GLI3: variants seen among roughly 807,000 people sequenced by gnomAD.
GLI3 encodes GLI family zinc finger 3, also known as transcription activator GLI3.
In GLI3, 20 loss-of-function variants were observed where a neutral mutation model predicts 100.8. That is an observed-to-expected ratio of 0.20 (90% CI 0.14 to 0.29). GLI3 has a LOEUF of 0.29. Ranked by LOEUF, GLI3 falls within the 10% of genes least tolerant of loss-of-function variation. GLI3 has a pLI of 1.00. For missense variants in GLI3, 2,040 were observed against 2,128.5 expected, an observed-to-expected ratio of 0.96 and a Z score of 0.82; for synonymous variants, 938 against 860.5, an observed-to-expected ratio of 1.09 and a Z score of -1.58.
At chr7:42,071,906 C>T (rs985490586) in intron 4 of GLI3, among the ~76,000 whole-genome samples, 4 of 152,010 alleles carry the variant, frequency 2.6e-5, no homozygotes, top group African/African-American at 9.7e-5. Flanking sequence ...GTGGGAAGAA[C>T]AGCTCTCCTT....
intron 3 of GLI3, among the ~76,000 whole-genome samples, chr7:42,107,709 C>A (rs1018535376): frequency 3.3e-5 from 5 of 152,048 alleles, no homozygotes; most frequent in African/African-American, 9.7e-5. Context: ...AGTGACAAGG[C>A]CAGAGGGTGG....
rs189853765 is a variant in GLI3 at position 42,199,884 on chromosome 7, C to T, written c.124+23246G>A. On this transcript the variant is annotated intron_variant, in intron 2 of 14. Coordinates refer to ENST00000395925, the MANE Select transcript of GLI3 (RefSeq NM_000168.6). ...CAGCCTGGCCTACATGGTGAAACCC[C>T]GTCTCTACTAAAAATACAAAAATTA... Among the ~76,000 whole-genome samples, 211 of 152,136 alleles carry T rather than the reference C, an allele frequency of 1.4e-3. 1 individual carries two copies. Among genetic ancestry groups the T allele is most frequent in the Non-Finnish European group, 1.6e-3 (106 of 68,012 alleles).
chr7:42,223,506 G>C (rs994160800), intron 1 of GLI3, among the ~76,000 whole-genome samples: 1 of 152,022 alleles, frequency 6.6e-6, no homozygotes, highest in Non-Finnish European at 1.5e-5. Context: ...AAAGAGAACC[G>C]AGGGAAATGC....
chr7:42,075,055 T>A (rs780800554), intron 4 of GLI3, among the ~76,000 whole-genome samples: 1 of 152,044 alleles, frequency 6.6e-6, no homozygotes, highest in Non-Finnish European at 1.5e-5. Flanking sequence ...CCAATGCAGG[T>A]CAGTAATGAG....
chr7:42,176,165 T>C (rs1787475970), intron 2 of GLI3, among the ~76,000 whole-genome samples: 1 of 152,140 alleles, frequency 6.6e-6, no homozygotes. Flanking sequence ...CCTATTTCAA[T>C]TTGATTAACA....
At chr7:42,145,295 C>T in intron 3 of GLI3, 1 of 329,402 alleles carries the variant, frequency 3.0e-6, no homozygotes, top group East Asian at 4.7e-5. Flanking sequence ...TTTAAATATT[C>T]AATATGAATA....
rs777372793 is a variant in GLI3 at position 42,026,210 on chromosome 7, C to T, written c.1231G>A (p.Glu411Lys). Residue 411 changes from glutamate to lysine, a missense_variant, in exon 8 of 15, where the codon GAG (glutamate) becomes AAG (lysine). Glu to Lys is a moderately conservative substitution (Grantham distance 56). Transcript: ENST00000395925. Reference protein sequence around the residue: ...NPVQVSSGPSESSQNKPTSES... With the variant: ...NPVQVSSGPSKSSQNKPTSES... ...CCTGTCCCTCTCACCTGTGAGGACT[C>T]AGAAGGGCCGGAGCTGACCTGGACG... 1 of 1,612,402 alleles carries T rather than the reference C, an allele frequency of 6.2e-7. No individual in the cohort carries two copies. Among genetic ancestry groups the T allele is most frequent in the Non-Finnish European group, 8.5e-7 (1 of 1,179,130 alleles).
intron 10 of GLI3, among the ~76,000 whole-genome samples, chr7:42,015,682 T>C (rs1202085526): frequency 6.6e-6 from 1 of 151,632 alleles, no homozygotes; most frequent in Non-Finnish European, 1.5e-5. Context: ...AGAACTACTG[T>C]GTGCCTAACC....
intron 2 of GLI3, among the ~76,000 whole-genome samples, chr7:42,154,216 G>C (rs1321670359): frequency 6.6e-6 from 1 of 152,110 alleles, no homozygotes; most frequent in Non-Finnish European, 1.5e-5. Context: ...AAGCCCAAAT[G>C]ACAAATCTAT....
chr7:42,021,446 T>C (rs188926033), intron 10 of GLI3, among the ~76,000 whole-genome samples: 11 of 152,322 alleles, frequency 7.2e-5, no homozygotes, highest in African/African-American at 2.2e-4. Flanking sequence ...TTAAAACTAC[T>C]CAGATCTCTC....
chr7:42,104,376 T>C (rs1401938683), intron 3 of GLI3, among the ~76,000 whole-genome samples: 1 of 152,200 alleles, frequency 6.6e-6, no homozygotes, highest in Non-Finnish European at 1.5e-5. Flanking sequence ...ACATCCGCTC[T>C]AGCATTTCCC....
chr7:42,040,986 A>C (rs1324790356), intron 6 of GLI3, among the ~76,000 whole-genome samples: 1 of 152,130 alleles, frequency 6.6e-6, no homozygotes, highest in Admixed American at 6.5e-5. Context: ...TCTGGCCCAA[A>C]TGTCACCGAG....
intron 1 of GLI3, among the ~76,000 whole-genome samples, chr7:42,228,032 C>G (rs1788617206): frequency 6.6e-6 from 1 of 152,210 alleles, no homozygotes; most frequent in Non-Finnish European, 1.5e-5. Context: ...TCACGCCTTT[C>G]ACCACTTTTG....
chr7:42,009,632 G>T (rs970983096), intron 10 of GLI3, among the ~76,000 whole-genome samples: 1 of 152,056 alleles, frequency 6.6e-6, no homozygotes, highest in Non-Finnish European at 1.5e-5. Context: ...AGCTGGGCAC[G>T]CATGCTTCCT....
chr7:42,025,280 C>T lies in GLI3; in HGVS notation c.1340G>A (p.Gly447Glu). The T allele has an allele frequency of 6.2e-7, 1 of 1,613,088 alleles. No individual in the cohort carries two copies. Among genetic ancestry groups the T allele is most frequent in the South Asian group, 1.1e-5 (1 of 91,056 alleles). Residue 447 changes from glycine (G) to glutamate (E), a missense_variant, in exon 9 of 15, where the codon GGG becomes GAG. Around this residue, in one of 5 missense-constraint regions of GLI3, gnomAD observed 603 missense variants for 690.9 expected, o/e 0.87. Transcript: ENST00000395925. ...GTGTCCTACCTGCTGCCCCCGAGCC[C>T]CTGGGCTGGGGAGGTCTTCATCGGG... is the stretch of plus-strand genomic sequence containing the variant. ...IKPDEDLPSPGARGQQEQPEG... is the reference protein window; with the variant it reads ...IKPDEDLPSPEARGQQEQPEG...
chr7:41,987,300 C>T (rs1279129012), intron 10 of GLI3, among the ~76,000 whole-genome samples: 2 of 152,008 alleles, frequency 1.3e-5, no homozygotes, highest in Admixed American at 6.5e-5. Flanking sequence ...TCCTGAGCAA[C>T]TGGGACTACA....
chr7:42,199,920 G>A (rs149415372), intron 2 of GLI3, among the ~76,000 whole-genome samples: 4,970 of 152,206 alleles, frequency 0.033, 115 homozygotes, highest in South Asian at 0.063. Context: ...GCCAGGCATG[G>A]TGGTGGGCAC....
chr7:42,242,815 A>G (rs1788938927), upstream of GLI3, among the ~76,000 whole-genome samples: 1 of 152,184 alleles, frequency 6.6e-6, no homozygotes, highest in South Asian at 2.1e-4. Context: ...TCCAAAAACT[A>G]TAAGGAATTC....
upstream of GLI3, among the ~76,000 whole-genome samples, chr7:42,238,359 A>G (rs185765652): frequency 4.8e-3 from 726 of 151,670 alleles, 2 homozygotes; most frequent in Non-Finnish European, 7.3e-3. Context: ...ACCGCCCCCC[A>G]TCCTTGGCTC....
Sources: gnomAD v4.1 joint callset for allele counts (sites outside exome capture counted in the v4.1 genomes callset) on GRCh38, gnomAD v4.1.1 for gene constraint, gnomAD v4.1.1 regional missense constraint, MANE v1.5 for transcripts, NCBI Gene and HGNC (gene_info 2026-07-23, HGNC 2026-07-21) for gene names.